PPP2R3A: variants seen among roughly 807,000 people sequenced by gnomAD.
PPP2R3A encodes the protein serine/threonine-protein phosphatase 2A regulatory subunit B'' subunit alpha.
In PPP2R3A, 80 loss-of-function variants were observed where a neutral mutation model predicts 106.9. The ratio of observed to expected loss-of-function variants is 0.75; its 90% confidence interval spans 0.62 to 0.90. The LOEUF is 0.90. Ranked by LOEUF, PPP2R3A falls within the 40% of genes least tolerant of loss-of-function variation. The pLI is 0.00. For missense variants in PPP2R3A, 1,386 were observed against 1,350.4 expected (o/e 1.03, Z -0.41); for synonymous variants, 483 against 468.3 (o/e 1.03, Z -0.41).
intron 5 of PPP2R3A, chr3:136,055,384 TC>T (rs766788314): frequency 3.1e-6 from 3 of 973,956 alleles, no homozygotes; most frequent in Non-Finnish European, 3.3e-6. Context: ...AGGTAGGACT[TC>T]CTCTGACCCT....
At chr3:136,016,196 T>G (rs182662088) in intron 2 of PPP2R3A, among the ~76,000 whole-genome samples, 75 of 152,300 alleles carry the variant, frequency 4.9e-4, no homozygotes, top group African/African-American at 1.8e-3. Context: ...TGATATAATT[T>G]CAGTTTTCTT....
chr3:136,145,349 A>G lies in PPP2R3A; in HGVS notation c.*183A>G. On this transcript the variant is annotated 3_prime_UTR_variant, in exon 14 of 14. Transcript: ENST00000264977. ...CACATTTAACTTAGGAGGCTCCTCCAATTTGCCTCAAACCTCTTACGGAGC... is the reference window on the plus strand; with the variant it reads ...CACATTTAACTTAGGAGGCTCCTCCGATTTGCCTCAAACCTCTTACGGAGC... The G allele has an allele frequency of 2.9e-6, 2 of 680,518 alleles. No individual in the cohort carries two copies. Among genetic ancestry groups the G allele is most frequent in the Non-Finnish European group, 4.3e-6 (2 of 462,372 alleles). 42.2% of individuals were successfully genotyped at this position (680,518 alleles called of 1,614,324 possible). A position where few individuals can be genotyped will look rare whatever the true frequency, so the allele number is the denominator to read the frequency against.
intron 5 of PPP2R3A, among the ~76,000 whole-genome samples, chr3:136,063,020 A>G (rs1309036231): frequency 2.0e-5 from 3 of 152,210 alleles, no homozygotes; most frequent in African/African-American, 7.2e-5. Flanking sequence ...ACTTCAAACT[A>G]TACTACAAGG....
intron 13 of PPP2R3A, among the ~76,000 whole-genome samples, chr3:136,137,795 C>T (rs1428320126): frequency 1.3e-5 from 2 of 152,110 alleles, no homozygotes; most frequent in African/African-American, 4.8e-5. Context: ...CCCACCTGGG[C>T]CTCCCAAAGT....
chr3:136,131,110 C>G (rs1160113916), intron 13 of PPP2R3A, among the ~76,000 whole-genome samples: 1 of 152,162 alleles, frequency 6.6e-6, no homozygotes, highest in Non-Finnish European at 1.5e-5. Context: ...GCAAGGACTT[C>G]ATGATTAAAA....
At chr3:136,071,330 A>G (rs1007298778) in intron 6 of PPP2R3A, among the ~76,000 whole-genome samples, 2 of 152,234 alleles carry the variant, frequency 1.3e-5, no homozygotes, top group African/African-American at 4.8e-5. Flanking sequence ...GGTCCTGCCG[A>G]GTTACAAAAT....
intron 13 of PPP2R3A, among the ~76,000 whole-genome samples, chr3:136,137,833 G>T (rs1200697657): frequency 6.6e-6 from 1 of 151,906 alleles, no homozygotes; most frequent in Non-Finnish European, 1.5e-5. Context: ...GAGCCACCGC[G>T]CCCGGCCTCT....
rs191683584 is a variant in PPP2R3A at position 135,995,920 on chromosome 3, A to G, written c.-440-5139A>G. 2.9e-4 allele frequency among the ~76,000 whole-genome samples: 44 copies of G among 152,268 alleles called. 1 individual carries two copies. The highest frequency in any genetic ancestry group is 9.6e-4 in the African/African-American group (40 of 41,564). Reference sequence around the variant, plus strand: ...TCAATTTAGAGCCACCGATGTTTATACTTTCTTTCTCTGCCATCCAGAGTG... The same window carrying G: ...TCAATTTAGAGCCACCGATGTTTATGCTTTCTTTCTCTGCCATCCAGAGTG... On this transcript the variant is annotated intron_variant, in intron 1 of 13. Coordinates refer to ENST00000264977, the MANE Select transcript of PPP2R3A (RefSeq NM_002718.5).
At chr3:136,073,671 G>A (rs555355994) in intron 6 of PPP2R3A, among the ~76,000 whole-genome samples, 4 of 152,310 alleles carry the variant, frequency 2.6e-5, no homozygotes, top group African/African-American at 9.6e-5. Flanking sequence ...GTGAATAACT[G>A]CCATTGTGAT....
chr3:135,976,539 CTTGT>C (rs1238571076), intron 1 of PPP2R3A, among the ~76,000 whole-genome samples: 1 of 152,160 alleles, frequency 6.6e-6, no homozygotes, highest in Non-Finnish European at 1.5e-5. Flanking sequence ...CTTGCCTTTT[CTTGT>C]TTATTTATGT....
chr3:135,968,772 C>G (rs973436572), intron 1 of PPP2R3A, among the ~76,000 whole-genome samples: 7 of 152,186 alleles, frequency 4.6e-5, no homozygotes, highest in Non-Finnish European at 8.8e-5. Flanking sequence ...TTTTTGTGGG[C>G]ATTCAAGGAA....
intron 6 of PPP2R3A, among the ~76,000 whole-genome samples, chr3:136,072,553 C>A (rs1308081272): frequency 6.6e-6 from 1 of 152,152 alleles, no homozygotes; most frequent in Non-Finnish European, 1.5e-5. Context: ...GATTCTTGCC[C>A]CTGCACTCCA....
At chr3:136,036,995 T>C (rs1348662801) in intron 3 of PPP2R3A, among the ~76,000 whole-genome samples, 1 of 152,168 alleles carries the variant, frequency 6.6e-6, no homozygotes, top group Non-Finnish European at 1.5e-5. Context: ...TAGGTTGGCA[T>C]AGGAAAGAGG....
intron 7 of PPP2R3A, among the ~76,000 whole-genome samples, chr3:136,081,032 C>T (rs1049259697): frequency 4.6e-5 from 7 of 151,648 alleles, no homozygotes; most frequent in Non-Finnish European, 1.0e-4. Context: ...TTTGCCCTGT[C>T]GCCCAGGTTG....
At chr3:136,005,778 T>C (rs1166342067) in intron 2 of PPP2R3A, among the ~76,000 whole-genome samples, 1 of 152,210 alleles carries the variant, frequency 6.6e-6, no homozygotes, top group African/African-American at 2.4e-5. Context: ...TAAGGCATAC[T>C]AAGACATTTA....
At position 136,017,306 on chromosome 3, in the gene PPP2R3A, T is replaced by C. The variant is rs530497933; in HGVS notation, c.1996-9526T>C. On this transcript the variant is annotated intron_variant, in intron 2 of 13. Coordinates refer to ENST00000264977, the MANE Select transcript of PPP2R3A (RefSeq NM_002718.5). ...ATGACTGTGCCTAGGCGATGATCTT[T>C]TTGCAATGAATTTCTCAGGTGATTT... Among the ~76,000 whole-genome samples, 16 of 152,332 alleles carry C rather than the reference T, an allele frequency of 1.1e-4. No individual in the cohort carries two copies. In the South Asian group the frequency reaches 3.3e-3, roughly 32 times the overall value.
intron 5 of PPP2R3A, among the ~76,000 whole-genome samples, chr3:136,051,310 T>A (rs1348649891): frequency 1.3e-5 from 2 of 152,128 alleles, no homozygotes; most frequent in Non-Finnish European, 2.9e-5. Flanking sequence ...TAAGTTGTAT[T>A]CATGGCTGCC....
chr3:136,145,182 A>G lies in PPP2R3A; in HGVS notation c.*16A>G, dbSNP rs370925777. ...TGAAGAATAGCTGCCGGTGTCTACA[A>G]TGAAACGAAGATGTGTATTTTAAAT... On this transcript the variant is annotated 3_prime_UTR_variant, in exon 14 of 14. Coordinates refer to ENST00000264977, the MANE Select transcript of PPP2R3A (RefSeq NM_002718.5). The G allele has an allele frequency of 3.1e-6, 5 of 1,597,444 alleles. No individual in the cohort carries two copies. The highest frequency in any genetic ancestry group is 2.7e-5 in the African/African-American group (2 of 73,804).
intron 2 of PPP2R3A, among the ~76,000 whole-genome samples, chr3:136,007,863 ATTGT>A (rs1294162707): frequency 1.3e-5 from 2 of 152,222 alleles, no homozygotes; most frequent in South Asian, 2.1e-4. Context: ...TTTTAGTACA[ATTGT>A]TTGTTTATTT....
Sources: gnomAD v4.1 joint callset for allele counts (sites outside exome capture counted in the v4.1 genomes callset) on GRCh38, gnomAD v4.1.1 for gene constraint, MANE v1.5 for transcripts, NCBI Gene and HGNC (gene_info 2026-07-23, HGNC 2026-07-21) for gene names.